The following CHD4 variants were observed in gnomAD, a reference collection of about 807,000 sequenced individuals.
The protein encoded by CHD4 is chromodomain helicase DNA binding protein 4, also known as ATP-dependent chromatin remodeler CHD4.
Under a neutral mutation model 235.5 loss-of-function variants are expected in CHD4, and 35 were observed. The ratio of observed to expected loss-of-function variants is 0.15; its 90% confidence interval spans 0.11 to 0.20. The LOEUF is 0.20. Ranked by LOEUF, CHD4 falls within the 10% of genes least tolerant of loss-of-function variation. The pLI, the probability that CHD4 is intolerant of heterozygous loss-of-function variation, is 1.00. For synonymous variants in CHD4, 900 were observed against 850.2 expected (o/e 1.06, Z -1.02); for missense variants, 1,329 against 2,432.3 (o/e 0.55, Z 9.54).
chr12:6,577,615 T>C (rs1269997182), intron 37 of CHD4, 170 bp downstream of exon 37: 1 of 819,574 alleles, frequency 1.2e-6, no homozygotes, highest in Non-Finnish European at 1.9e-6. Context: ...TAGTTAACTT[T>C]CAATTCTGTG....
At chr12:6,581,501 G>A in intron 31 of CHD4, 113 bp from the exon 32 acceptor site, 2 of 1,508,372 alleles carry the variant, frequency 1.3e-6, no homozygotes, top group Non-Finnish European at 1.8e-6. Context: ...TTAAGAGCCA[G>A]CCCTATTCTT....
chr12:6,585,655 G>GGT, intron 25 of CHD4, among the ~76,000 whole-genome samples: 1 of 151,560 alleles, frequency 6.6e-6, no homozygotes, highest in East Asian at 2.0e-4. Flanking sequence ...TGGGTGTGGT[G>GGT]GCACGTGCCT....
At chr12:6,577,428 A>G (rs1467478879) in intron 37 of CHD4, among the ~76,000 whole-genome samples, 1 of 140,268 alleles carries the variant, frequency 7.1e-6, no homozygotes, top group East Asian at 1.9e-4. Flanking sequence ...AAAAAAAAAA[A>G]AAAAAAAAAA....
At chr12:6,602,303 T>G in intron 3 of CHD4, 73 bp downstream of exon 3, 5 of 1,605,762 alleles carry the variant, frequency 3.1e-6, no homozygotes, top group Non-Finnish European at 3.4e-6. Flanking sequence ...ACAAATGCCC[T>G]CAGCCCTTCA....
intron 12 of CHD4, among the ~76,000 whole-genome samples, chr12:6,597,610 C>G (rs760334309): frequency 4.6e-5 from 7 of 151,294 alleles, no homozygotes; most frequent in Non-Finnish European, 1.0e-4. Flanking sequence ...ACTAAAAATA[C>G]AAAAAATTAG....
chr12:6,599,858 G>A lies in CHD4; in HGVS notation c.1397C>T (p.Thr466Ile), dbSNP rs752531665. Residue 466 changes from threonine (T) to isoleucine (I), a missense_variant, in exon 10 of 40, where the codon ACC (threonine) becomes ATC (isoleucine). Thr to Ile is a moderately conservative substitution (Grantham distance 89). Coordinates refer to ENST00000544040, the MANE Select transcript of CHD4 (RefSeq NM_001273.5). ...GTGGATGTGGTAGGAAGAAGGACAG[G>A]TATCACAGCAGAGCAGTTCCCCACC... ...KDGGELLCCDTCPSSYHIHCL... is the reference protein window; with the variant it reads ...KDGGELLCCDICPSSYHIHCL... 2 of 1,614,204 alleles carry A rather than the reference G, an allele frequency of 1.2e-6. No homozygotes were observed. Among genetic ancestry groups the A allele is most frequent in the Non-Finnish European group, 8.5e-7 (1 of 1,180,036 alleles).
At chr12:6,577,659 G>A in intron 37 of CHD4, 126 bp downstream of exon 37, 1 of 1,307,494 alleles carries the variant, frequency 7.6e-7, no homozygotes, top group Non-Finnish European at 1.1e-6. Flanking sequence ...TTACTTGGGA[G>A]CAAAGCCTTC....
chr12:6,570,729 T>C, intron 39 of CHD4, 36 bp from the exon 40 acceptor site: 1 of 1,614,070 alleles, frequency 6.2e-7, no homozygotes, highest in South Asian at 1.1e-5. Flanking sequence ...GAATTCCAGA[T>C]GATAGGAATC....
intron 12 of CHD4, among the ~76,000 whole-genome samples, chr12:6,597,343 G>A (rs894857111): frequency 3.3e-5 from 5 of 152,140 alleles, no homozygotes; most frequent in African/African-American, 9.7e-5. Flanking sequence ...GCTCACGCCT[G>A]TAATCCTAAC....
chr12:6,604,110 A>C (rs1013574668), intron 2 of CHD4, among the ~76,000 whole-genome samples: 1 of 152,058 alleles, frequency 6.6e-6, no homozygotes, highest in Non-Finnish European at 1.5e-5. Flanking sequence ...CCCTGTCTCT[A>C]CTAAAAAAAC....
intron 6 of CHD4, 30 bp from the exon 7 acceptor site, chr12:6,601,083 C>A: frequency 1.3e-6 from 2 of 1,534,684 alleles, no homozygotes; most frequent in South Asian, 2.5e-5. Context: ...AAATATATAC[C>A]ACAAGACCAA....
Position 6,570,691 on chromosome 12 carries a change from T to TAC in CHD4, c.5722_5723dup (p.Ala1909Ter). 1.9e-6 allele frequency: 3 copies of TAC among 1,614,138 alleles called. No homozygotes were observed. Among genetic ancestry groups the TAC allele is most frequent in the Non-Finnish European group, 2.5e-6 (3 of 1,180,020 alleles). On this transcript the variant is annotated frameshift_variant and splice_region_variant, in exon 40 of 40. Transcript: ENST00000544040. LOFTEE classifies it high-confidence loss of function. ...GTCTGCATCTTCACTGCTGCTGGGCTACCTAGAGAAGGAGACCCGAGGAGT... is the reference window on the plus strand; with the variant it reads ...GTCTGCATCTTCACTGCTGCTGGGCTACACCTAGAGAAGGAGACCCGAGGAGT...
Position 6,606,374 on chromosome 12 carries a change from C to T in CHD4, c.-1G>A, listed in dbSNP as rs760254559. On this transcript the variant is annotated 5_prime_UTR_variant, in exon 2 of 40. Coordinates refer to ENST00000544040, the MANE Select transcript of CHD4 (RefSeq NM_001273.5). ...ACGGGGAGCCCAGGCCCGACGCCAT[C>T]CCCTTCCGCTCCCGGCCAGGGAATT... 2.5e-6 allele frequency: 4 copies of T among 1,569,134 alleles called. No homozygotes were observed. Among genetic ancestry groups the T allele is most frequent in the Non-Finnish European group, 3.4e-6 (4 of 1,160,470 alleles).
intron 2 of CHD4, 30 bp from the exon 3 acceptor site, chr12:6,602,527 A>G (rs1212591084): frequency 1.9e-6 from 3 of 1,607,056 alleles, no homozygotes; most frequent in East Asian, 4.5e-5. Flanking sequence ...AGTGGTAGGC[A>G]GGGAAAAGAT....
At chr12:6,598,487 A>C in intron 10 of CHD4, 62 bp from the exon 11 acceptor site, 5 of 1,332,450 alleles carry the variant, frequency 3.8e-6, no homozygotes, top group Non-Finnish European at 5.2e-6. Flanking sequence ...GGGACAGCCC[A>C]CAGTCTCAAC....
chr12:6,583,100 G>T lies in CHD4; in HGVS notation c.4074C>A (p.Asp1358Glu). 1.3e-6 allele frequency: 2 copies of T among 1,584,304 alleles called. No individual in the cohort carries two copies. The highest frequency in any genetic ancestry group is 1.7e-6 in the Non-Finnish European group (2 of 1,164,038). The part of the protein sequence containing the change: ...GSQEDRDWQD[D>E]QSDNQSDYSV... ...AGTAATCGGACTGGTTGTCGGACTG[G>T]TCGTCCTGCCAATCTGGAGGGAGAG... The change falls in exon 27 of 40, where the codon GAC (aspartate) becomes GAA (glutamate). Residue 1358 changes from aspartate (D) to glutamate (E), a missense_variant. Asp to Glu is a conservative substitution (Grantham distance 45). Transcript: ENST00000544040.
chr12:6,587,553 TCTC>T lies in CHD4; in HGVS notation c.3707_3709del (p.Gly1236del), dbSNP rs1166431618. The T allele has an allele frequency of 6.2e-7, 1 of 1,613,530 alleles. No individual in the cohort carries two copies. Among genetic ancestry groups the T allele is most frequent in the Non-Finnish European group, 8.5e-7 (1 of 1,179,778 alleles). On this transcript the variant is annotated inframe_deletion, in exon 25 of 40. Coordinates refer to ENST00000544040, the MANE Select transcript of CHD4 (RefSeq NM_001273.5). ...ACTGCTATCTTCTCCCTCTTTGTTG[TCTC>T]CTCCTATAAAAAATCAAGGGCCCAC...
Position 6,583,039 on chromosome 12 carries a change from C to A in CHD4, c.4135G>T (p.Glu1379Ter). The change falls in exon 27 of 40, where the codon GAA becomes TAA. Residue 1379 changes from glutamate (E) to a stop codon, truncating the protein, a stop_gained. Coordinates refer to ENST00000544040, the MANE Select transcript of CHD4 (RefSeq NM_001273.5). LOFTEE classifies it high-confidence loss of function. ...ASEEGDEDFDERSEAPRRPSR... is the reference protein window; with the variant it reads ...ASEEGDEDFD ...GCACAGCCCTCACCTTCTGAACGTTCATCAAAGTCTTCATCACCTTCCTCT... is the reference window on the plus strand; with the variant it reads ...GCACAGCCCTCACCTTCTGAACGTTAATCAAAGTCTTCATCACCTTCCTCT... The A allele has an allele frequency of 6.4e-7, 1 of 1,571,588 alleles. No individual in the cohort carries two copies.
chr12:6,592,530 A>G lies in CHD4; in HGVS notation c.2811T>C (p.Ile937=). Residue 937 remains isoleucine (I), a synonymous_variant, in exon 19 of 40, where the codon ATT becomes ATC. Transcript: ENST00000544040. ...GTTTTTTTATCTGGTCCTCCTTGGC[A>G]ATGTCAGCAAACTCCTCCAAAAAAC... ...LEGFLEEFAD[I]AKEDQIKKLH... The G allele has an allele frequency of 6.2e-7, 1 of 1,606,378 alleles. No individual in the cohort carries two copies. Among genetic ancestry groups the G allele is most frequent in the Non-Finnish European group, 8.5e-7 (1 of 1,174,298 alleles).
Sources: allele counts gnomAD v4.1 joint callset (sites outside exome capture counted in the v4.1 genomes callset), GRCh38; gene constraint gnomAD v4.1.1; transcripts MANE v1.5; gene names NCBI Gene and HGNC (gene_info 2026-07-23, HGNC 2026-07-21).